Variants in RSU1 observed in about 807,000 individuals in gnomAD.
RSU1 encodes Ras suppressor protein 1.
Under a neutral mutation model 31.1 loss-of-function variants are expected in RSU1, and 26 were observed. The ratio of observed to expected loss-of-function variants is 0.84; its 90% confidence interval spans 0.61 to 1.16. The LOEUF (loss-of-function observed/expected upper bound fraction) is 1.16. Ranked by LOEUF, RSU1 falls within the 50% of genes most tolerant of loss-of-function variation. The probability of loss-of-function intolerance (pLI) is 0.00; values close to 1 mark genes in which losing one functional copy is unlikely to be tolerated. For synonymous variants in RSU1, 164 were observed against 136.3 expected, an observed-to-expected ratio of 1.20 and a Z score of -1.41; for missense variants, 320 against 339.1, an observed-to-expected ratio of 0.94 and a Z score of 0.44.
At chr10:16,805,305 G>A (rs1838242708) in intron 2 of RSU1, among the ~76,000 whole-genome samples, 1 of 152,190 alleles carries the variant, frequency 6.6e-6, no homozygotes, top group African/African-American at 2.4e-5. Context: ...CTAGGAACGG[G>A]GGATGGAGGA....
intron 7 of RSU1, among the ~76,000 whole-genome samples, chr10:16,697,028 A>G (rs531178484): frequency 1.3e-5 from 2 of 152,316 alleles, no homozygotes; most frequent in South Asian, 4.1e-4. Context: ...AAAAATGAAT[A>G]TAATATACAT....
At chr10:16,635,898 T>G (rs1225419900) in intron 8 of RSU1, among the ~76,000 whole-genome samples, 1 of 152,150 alleles carries the variant, frequency 6.6e-6, no homozygotes, top group Non-Finnish European at 1.5e-5. Flanking sequence ...TTAATGTTAC[T>G]CCAGTCATCA....
chr10:16,787,871 T>A (rs778580971), intron 2 of RSU1, among the ~76,000 whole-genome samples: 7 of 152,190 alleles, frequency 4.6e-5, no homozygotes, highest in Non-Finnish European at 1.0e-4. Context: ...AGTTAATGGC[T>A]TTAGGACTGA....
chr10:16,690,379 T>A (rs1835521694), intron 8 of RSU1, among the ~76,000 whole-genome samples: 1 of 151,978 alleles, frequency 6.6e-6, no homozygotes, highest in African/African-American at 2.4e-5. Context: ...GCCAACAAGT[T>A]CCCCTGTGGA....
At chr10:16,686,767 A>C (rs926989507) in intron 8 of RSU1, among the ~76,000 whole-genome samples, 1 of 152,154 alleles carries the variant, frequency 6.6e-6, no homozygotes, top group Non-Finnish European at 1.5e-5. Context: ...AGACTGAGAT[A>C]GTTTTACTCT....
Position 16,695,131 on chromosome 10 carries a change from T to C in RSU1, c.623A>G (p.Lys208Arg), listed in dbSNP as rs1334529847. 2 of 1,469,278 alleles carry C rather than the reference T, an allele frequency of 1.4e-6. No individual in the cohort carries two copies. Among genetic ancestry groups the C allele is most frequent in the Non-Finnish European group, 1.8e-6 (2 of 1,083,434 alleles). The allele number at this position is 1,469,278 out of a possible 1,614,324, so 91.0% of individuals were successfully genotyped here. A position where few individuals can be genotyped will look rare whatever the true frequency, so the allele number is the denominator to read the frequency against. Residue 208 changes from lysine (K) to arginine (R), a missense_variant, in exon 8 of 9, where the codon AAG becomes AGG. Physicochemically the swap from Lys to Arg is conservative, Grantham distance 26 (BLOSUM62 2). Coordinates refer to ENST00000345264, the MANE Select transcript of RSU1 (RefSeq NM_012425.4). ...ATTGTTCTCTGCTTTGAATACCTGC[T>C]TCTGGCCAGTTAAATCCAAGTTTCC... ...ELGNLDLTGQKQVFKAENNPW... is the reference protein window; with the variant it reads ...ELGNLDLTGQRQVFKAENNPW...
At chr10:16,791,140 C>T (rs1837903998) in intron 2 of RSU1, among the ~76,000 whole-genome samples, 1 of 152,060 alleles carries the variant, frequency 6.6e-6, no homozygotes, top group African/African-American at 2.4e-5. Flanking sequence ...AATTCTCGTG[C>T]CACAGCCTCC....
intron 7 of RSU1, among the ~76,000 whole-genome samples, chr10:16,712,403 T>C (rs982837686): frequency 6.6e-6 from 1 of 152,090 alleles, no homozygotes; most frequent in Non-Finnish European, 1.5e-5. Flanking sequence ...TTTTCCCCTT[T>C]CTTTTACTCA....
intron 8 of RSU1, among the ~76,000 whole-genome samples, chr10:16,641,491 CAA>C (rs59893762): frequency 2.8e-4 from 32 of 114,300 alleles, no homozygotes; most frequent in South Asian, 7.1e-4. Flanking sequence ...GACTTTATCT[CAA>C]AAAAAAAAAA....
intron 8 of RSU1, among the ~76,000 whole-genome samples, chr10:16,678,939 T>A (rs1256873114): frequency 6.6e-6 from 1 of 151,882 alleles, no homozygotes; most frequent in Non-Finnish European, 1.5e-5. Flanking sequence ...TCCCTCAGAT[T>A]TGAATTAAAA....
intron 8 of RSU1, among the ~76,000 whole-genome samples, chr10:16,641,756 G>T (rs747132193): frequency 6.6e-6 from 1 of 152,168 alleles, no homozygotes; most frequent in African/African-American, 2.4e-5. Flanking sequence ...TTCATCCCAG[G>T]TTCACATCCA....
chr10:16,625,269 T>G (rs1413769729), intron 8 of RSU1, among the ~76,000 whole-genome samples: 3 of 152,096 alleles, frequency 2.0e-5, no homozygotes, highest in Non-Finnish European at 4.4e-5. Context: ...AGTCACCAAC[T>G]GGGAAGAGCT....
intron 8 of RSU1, among the ~76,000 whole-genome samples, chr10:16,595,473 A>T (rs1002299268): frequency 2.0e-5 from 3 of 152,236 alleles, no homozygotes; most frequent in Non-Finnish European, 4.4e-5. Context: ...TACGAGCCGG[A>T]GCGTGCACAT....
intron 8 of RSU1, among the ~76,000 whole-genome samples, chr10:16,667,477 C>G (rs893805320): frequency 2.6e-5 from 4 of 151,998 alleles, no homozygotes; most frequent in Middle Eastern, 3.4e-3. Context: ...ATGCCATTAA[C>G]TCTATTATTT....
At chr10:16,767,429 C>G (rs1332718376) in intron 3 of RSU1, 1 of 152,146 alleles carries the variant, frequency 6.6e-6, no homozygotes, top group Non-Finnish European at 1.5e-5. Context: ...ACAAATTATG[C>G]TAAATGTGAT....
chr10:16,613,589 C>A (rs1480602152), intron 8 of RSU1, among the ~76,000 whole-genome samples: 1 of 152,180 alleles, frequency 6.6e-6, no homozygotes, highest in Non-Finnish European at 1.5e-5. Context: ...TGGCAGACAT[C>A]AAGAATCTGG....
intron 7 of RSU1, among the ~76,000 whole-genome samples, chr10:16,714,733 A>G (rs7097268): frequency 0.095 from 14,486 of 152,036 alleles, 1,450 homozygotes; most frequent in African/African-American, 0.25. Context: ...AAGGACAGCT[A>G]GGCCTCCAGG....
intron 7 of RSU1, among the ~76,000 whole-genome samples, chr10:16,719,772 T>C (rs56383825): frequency 0.11 from 16,579 of 152,280 alleles, 2,116 homozygotes; most frequent in African/African-American, 0.31. Context: ...TCTGCGCTCC[T>C]ATCACCTGGC....
At chr10:16,690,341 C>T (rs1438267900) in intron 8 of RSU1, among the ~76,000 whole-genome samples, 2 of 152,192 alleles carry the variant, frequency 1.3e-5, no homozygotes, top group African/African-American at 4.8e-5. Flanking sequence ...CTCATAATTT[C>T]ATGTTAACCG....
Sources: gnomAD v4.1 joint callset for allele counts (sites outside exome capture counted in the v4.1 genomes callset) on GRCh38, gnomAD v4.1.1 for gene constraint, MANE v1.5 for transcripts, NCBI Gene and HGNC (gene_info 2026-07-23, HGNC 2026-07-21) for gene names.